The following NIPA1 variants were observed in gnomAD, a reference collection of about 807,000 sequenced individuals.
The protein encoded by NIPA1 is NIPA magnesium transporter 1.
In NIPA1, 13 loss-of-function variants were observed where a neutral mutation model predicts 23.9. That is an observed-to-expected ratio of 0.54 (90% CI 0.35 to 0.87). NIPA1 has a LOEUF of 0.87. Ranked by LOEUF, NIPA1 falls within the 40% of genes least tolerant of loss-of-function variation. NIPA1 has a pLI of 0.01. For missense variants in NIPA1, 362 were observed against 429.7 expected, an observed-to-expected ratio of 0.84 and a Z score of 1.39; for synonymous variants, 234 against 202.9, an observed-to-expected ratio of 1.15 and a Z score of -1.30.
At chr15:22,816,293 A>T (rs1008756346) in intron 3 of NIPA1, among the ~76,000 whole-genome samples, 2 of 134,866 alleles carry the variant, frequency 1.5e-5, no homozygotes, top group Middle Eastern at 4.8e-3. Context: ...GGTTCAAGTG[A>T]TTCTCCTTCC....
chr15:22,799,555 G>A (rs781780905), intron 1 of NIPA1, among the ~76,000 whole-genome samples: 1 of 151,926 alleles, frequency 6.6e-6, no homozygotes, highest in Non-Finnish European at 1.5e-5. Context: ...GGCCAAGGTG[G>A]GCAGATCACG....
At chr15:22,815,669 T>C (rs748038089) in intron 3 of NIPA1, among the ~76,000 whole-genome samples, 2 of 134,818 alleles carry the variant, frequency 1.5e-5, no homozygotes, top group Non-Finnish European at 3.2e-5. Context: ...AAAAAACAAC[T>C]ATGAACTAAT....
rs549078574 is a variant in NIPA1 at position 22,824,184 on chromosome 15, A to G, written c.935A>G (p.Lys312Arg). ...GGGATTGTCCTTATACAGGTGTTCAAAGAGTTCAATTTCAACCTTGGGGAG... is the reference window on the plus strand; with the variant it reads ...GGGATTGTCCTTATACAGGTGTTCAGAGAGTTCAATTTCAACCTTGGGGAG... ...SVGIVLIQVFKEFNFNLGEMN... is the reference protein window; with the variant it reads ...SVGIVLIQVFREFNFNLGEMN... The change falls in exon 5 of 5, where the codon AAA becomes AGA. Residue 312 changes from lysine (K) to arginine (R), a missense_variant. Around this residue, in one of 2 missense-constraint regions of NIPA1, gnomAD observed 277 missense variants for 372.0 expected, o/e 0.74. Transcript: ENST00000337435. This position sits in a 1 kb window ranked among gnomAD's most constrained non-coding sequence, Gnocchi z 4.1. The G allele has an allele frequency of 1.9e-6, 3 of 1,613,406 alleles. No individual in the cohort carries two copies. The highest frequency in any genetic ancestry group is 2.7e-5 in the African/African-American group (2 of 74,926).
chr15:22,799,267 G>A (rs905337297), intron 1 of NIPA1, among the ~76,000 whole-genome samples: 8 of 152,236 alleles, frequency 5.3e-5, no homozygotes, highest in South Asian at 4.1e-4. Flanking sequence ...ACAAGATCAC[G>A]TCCTTCACAG....
At chr15:22,793,392 A>T (rs2140848941) in intron 1 of NIPA1, among the ~76,000 whole-genome samples, 1 of 145,370 alleles carries the variant, frequency 6.9e-6, no homozygotes, top group Admixed American at 6.9e-5. Flanking sequence ...AATACATGGT[A>T]TTGTTGCTAA....
Position 22,824,100 on chromosome 15 carries a change from G to A in NIPA1, c.851G>A (p.Ser284Asn). Residue 284 changes from serine (S) to asparagine (N), a missense_variant, in exon 5 of 5, where the codon AGC becomes AAC. Physicochemically the swap from Ser to Asn is conservative, Grantham distance 46. This residue lies in a region of NIPA1 where 277 missense variants were observed against 372.0 expected (regional missense o/e 0.74). Coordinates refer to ENST00000337435, the MANE Select transcript of NIPA1 (RefSeq NM_144599.5). This position sits in a 1 kb window ranked among gnomAD's most constrained non-coding sequence, Gnocchi z 4.1. ...TCAGCCATCCTCTTCCGGGAGTGGA[G>A]CAACGTGGGCCTGGTGGACTTCTTG... is the stretch of plus-strand genomic sequence containing the variant. ...LASAILFREW[S>N]NVGLVDFLGM... is the part of the protein sequence containing the mutation. 6.2e-7 allele frequency: 1 copy of A among 1,614,126 alleles called. No individual in the cohort carries two copies. Among genetic ancestry groups the A allele is most frequent in the South Asian group, 1.1e-5 (1 of 91,068 alleles).
chr15:22,799,471 C>T (rs866336474), intron 1 of NIPA1, among the ~76,000 whole-genome samples: 3 of 151,794 alleles, frequency 2.0e-5, no homozygotes, highest in African/African-American at 7.3e-5. Flanking sequence ...ATGGCGAAAC[C>T]TCATCTCTAA....
chr15:22,823,674 G>T, intron 4 of NIPA1, 54 bp from the exon 5 acceptor site: 1 of 1,550,756 alleles, frequency 6.4e-7, no homozygotes. Flanking sequence ...CCACCTCCTG[G>T]GTTGCGGCTG....
intron 3 of NIPA1, 52 bp downstream of exon 3, chr15:22,812,305 C>G (rs1191385514): frequency 7.7e-7 from 1 of 1,297,170 alleles, no homozygotes; most frequent in Non-Finnish European, 1.1e-6. Context: ...GATATAACAA[C>G]TTTTCATTTT....
At chr15:22,798,353 C>T (rs1411201127) in intron 1 of NIPA1, among the ~76,000 whole-genome samples, 1 of 150,290 alleles carries the variant, frequency 6.7e-6, no homozygotes, top group Non-Finnish European at 1.5e-5. Flanking sequence ...CATTCTCCTG[C>T]CTCAGCCTCC....
intron 1 of NIPA1, among the ~76,000 whole-genome samples, chr15:22,809,364 GC>G (rs1566783512): frequency 6.6e-6 from 1 of 152,074 alleles, no homozygotes; most frequent in African/African-American, 2.4e-5. Context: ...TCCAGCCTCA[GC>G]GACAGAGTGA....
At chr15:22,796,707 C>G (rs967493783) in intron 1 of NIPA1, among the ~76,000 whole-genome samples, 5 of 152,138 alleles carry the variant, frequency 3.3e-5, no homozygotes, top group African/African-American at 9.7e-5. Context: ...TGTTCAGTCT[C>G]ACACTCCTAC....
intron 1 of NIPA1, among the ~76,000 whole-genome samples, chr15:22,796,016 C>T (rs1436774593): frequency 1.3e-5 from 2 of 152,022 alleles, no homozygotes; most frequent in East Asian, 1.9e-4. Flanking sequence ...ACTGCAGCTT[C>T]GACCTCCTGG....
At position 22,824,363 on chromosome 15, in the gene NIPA1, G is replaced by A; in HGVS notation, c.*124G>A. 2 of 914,570 alleles carry A rather than the reference G, an allele frequency of 2.2e-6. No individual in the cohort carries two copies. The highest frequency in any genetic ancestry group is 2.1e-4 in the Middle Eastern group (1 of 4,730). The allele number at this position is 914,570 out of a possible 1,614,324, so 56.7% of individuals were successfully genotyped here. ...AGAATTGACTGGATAGTAACAGGTGGTCTGGTGGATAGCGGGGAGCATGGC... is the reference window on the plus strand; with the variant it reads ...AGAATTGACTGGATAGTAACAGGTGATCTGGTGGATAGCGGGGAGCATGGC... On this transcript the variant is annotated 3_prime_UTR_variant, in exon 5 of 5. Coordinates refer to ENST00000337435, the MANE Select transcript of NIPA1 (RefSeq NM_144599.5). This position sits in a 1 kb window ranked among gnomAD's most constrained non-coding sequence, Gnocchi z 4.1.
In NIPA1 at chr15:22,806,557, C is replaced by A. The variant is rs1450724584; in HGVS notation, c.179-4192C>A. Reference sequence around the variant, plus strand: ...TCAGTGCTGCAGCTCCCTGTTGTTGCTGAGGCCGGAGGACCTGCAGATTAA... The same window carrying A: ...TCAGTGCTGCAGCTCCCTGTTGTTGATGAGGCCGGAGGACCTGCAGATTAA... On this transcript the variant is annotated intron_variant, in intron 1 of 4. Transcript: ENST00000337435. 2.5e-5 allele frequency among the ~76,000 whole-genome samples: 2 copies of A among 80,168 alleles called. 1 individual carries two copies. Among genetic ancestry groups the A allele is most frequent in the Non-Finnish European group, 4.0e-5 (2 of 50,454 alleles). 52.6% of individuals were successfully genotyped at this position (80,168 alleles called of 152,430 possible).
At chr15:22,795,015 T>C (rs1225515455) in intron 1 of NIPA1, among the ~76,000 whole-genome samples, 1 of 152,136 alleles carries the variant, frequency 6.6e-6, no homozygotes, top group East Asian at 1.9e-4. Flanking sequence ...GGCATCTAAC[T>C]GGCCACAGGG....
Position 22,815,253 on chromosome 15 carries a change from T to TA in NIPA1, c.317+3001dup, listed in dbSNP as rs776792155. Among the ~76,000 whole-genome samples, 14 of 152,340 alleles carry TA rather than the reference T, an allele frequency of 9.2e-5. No individual in the cohort carries two copies. The South Asian group carries it at 2.9e-3, about 32-fold the overall frequency. On this transcript the variant is annotated intron_variant, in intron 3 of 4. Transcript: ENST00000337435. ...TTCGATAAATTTAACCTTGTTATGA[T>TA]ACATGTATCAAATCAACCTCCATAT...
chr15:22,803,963 G>A (rs1895144508), intron 1 of NIPA1, among the ~76,000 whole-genome samples: 1 of 150,492 alleles, frequency 6.6e-6, no homozygotes, highest in Non-Finnish European at 1.5e-5. Context: ...ACAGGCGTGA[G>A]CCACCGTGCC....
At chr15:22,788,186 ACAC>A (rs1894750904) in intron 1 of NIPA1, among the ~76,000 whole-genome samples, 1 of 152,002 alleles carries the variant, frequency 6.6e-6, no homozygotes, top group African/African-American at 2.4e-5. Flanking sequence ...CATGAGGAAA[ACAC>A]CACACAAACC....
Sources: gnomAD v4.1 joint callset for allele counts (sites outside exome capture counted in the v4.1 genomes callset) on GRCh38, gnomAD v4.1.1 for gene constraint, gnomAD v4.1.1 regional missense constraint, Gnocchi (gnomAD v3.1) non-coding constraint, MANE v1.5 for transcripts, NCBI Gene and HGNC (gene_info 2026-07-23, HGNC 2026-07-21) for gene names.